AKAP11: variants seen among roughly 807,000 people sequenced by gnomAD.
AKAP11 encodes A-kinase anchor protein 11.
A neutral mutation model predicts 146.1 loss-of-function variants in AKAP11; 36 were observed. The observed-to-expected ratio is 0.25, with a 90% confidence interval of 0.19 to 0.33. The LOEUF (loss-of-function observed/expected upper bound fraction) is 0.33. Among genes scored for constraint, AKAP11 ranks in the 10% least tolerant of loss-of-function variants. The probability of loss-of-function intolerance (pLI) is 1.00; values close to 1 mark genes in which losing one functional copy is unlikely to be tolerated. For missense variants in AKAP11, 2,201 were observed against 2,197.0 expected (o/e 1.00, Z -0.04); for synonymous variants, 780 against 786.5 (o/e 0.99, Z 0.14).
rs751444495 is a variant in AKAP11 at position 42,299,677 on chromosome 13, T to A, written c.931T>A (p.Cys311Ser). ...TCCTGCCTACTCATCTGAATCAGAA[T>A]GTTCAAGTCCAAGTCCTGTTATTTT... is the stretch of plus-strand genomic sequence containing the variant. Reference protein sequence around the residue: ...SSPAYSSESECSSPSPVIFLD... With the variant: ...SSPAYSSESESSSPSPVIFLD... Residue 311 changes from cysteine to serine, a missense_variant, in exon 8 of 13, where the codon TGT becomes AGT. Transcript: ENST00000025301. 1.2e-6 allele frequency: 2 copies of A among 1,613,914 alleles called. No homozygotes were observed. Among genetic ancestry groups the A allele is most frequent in the South Asian group, 1.1e-5 (1 of 91,066 alleles).
chr13:42,272,602 T>C (rs962731509), intron 1 of AKAP11, among the ~76,000 whole-genome samples: 5 of 149,714 alleles, frequency 3.3e-5, no homozygotes, highest in Non-Finnish European at 7.5e-5. Context: ...GTGCGCGTGC[T>C]TAGTGTGTGT....
At position 42,299,932 on chromosome 13, in the gene AKAP11, A is replaced by G. The variant is rs976071213; in HGVS notation, c.1186A>G (p.Met396Val). 5.6e-6 allele frequency: 9 copies of G among 1,613,888 alleles called. No individual in the cohort carries two copies. In the African/African-American group the frequency reaches 8.0e-5, roughly 14 times the overall value. Residue 396 changes from methionine to valine, a missense_variant, in exon 8 of 13, where the codon ATG becomes GTG. Physicochemically the swap from Met to Val is conservative, Grantham distance 21. Around this residue, in one of 3 missense-constraint regions of AKAP11, gnomAD observed 1,867 missense variants for 1,833.5 expected, o/e 1.02. Transcript: ENST00000025301. ...RKGHKHGKSCMNPQKFKFDRP... is the reference protein window; with the variant it reads ...RKGHKHGKSCVNPQKFKFDRP... ...AGGGCACAAACATGGAAAGTCATGTATGAATCCTCAAAAATTCAAGTTTGA... is the reference window on the plus strand; with the variant it reads ...AGGGCACAAACATGGAAAGTCATGTGTGAATCCTCAAAAATTCAAGTTTGA...
At chr13:42,277,893 G>C (rs149786366) in intron 1 of AKAP11, among the ~76,000 whole-genome samples, 1 of 152,226 alleles carries the variant, frequency 6.6e-6, no homozygotes, top group African/African-American at 2.4e-5. Flanking sequence ...TTACAGTCCA[G>C]TGCAGGGCAT....
Position 42,303,310 on chromosome 13 carries a change from C to T in AKAP11, c.4564C>T (p.His1522Tyr). 6.2e-7 allele frequency: 1 copy of T among 1,612,648 alleles called. No homozygotes were observed. Among genetic ancestry groups the T allele is most frequent in the African/African-American group, 1.3e-5 (1 of 75,014 alleles). ...TTCCTCACAAAATCACAGGTTTTAC[C>T]ACAGCACTGGCAGTTTAAATGGATA... Reference protein sequence around the residue: ...QPSSQNHRFYHSTGSLNGYGC... With the variant: ...QPSSQNHRFYYSTGSLNGYGC... Residue 1522 changes from histidine (H) to tyrosine (Y), a missense_variant, in exon 8 of 13, where the codon CAC becomes TAC. By Grantham distance (83) the His-to-Tyr change is moderately conservative. This residue lies in a region of AKAP11 where 1,867 missense variants were observed against 1,833.5 expected (regional missense o/e 1.02). Coordinates refer to ENST00000025301, the MANE Select transcript of AKAP11 (RefSeq NM_016248.4).
rs3038992 is a variant in AKAP11 at position 42,319,906 on chromosome 13, G to GGTGTGTGTGTGTGTGTGTGTGTGTGTGT, written c.*695_*722dup. The GGTGTGTGTGTGTGTGTGTGTGTGTGTGT allele has an allele frequency of 4.5e-5, 6 of 132,662 alleles. No individual in the cohort carries two copies. The highest frequency in any genetic ancestry group is 2.3e-4 in the East Asian group (1 of 4,264). The allele number at this position is 132,662 out of a possible 1,614,324, so 8.2% of individuals were successfully genotyped here. ...TGCTGCCAGTCATTCTGGCATGAAAGGTGTGTGTGTGTGTGTGTGTGTGTG... is the reference window on the plus strand; with the variant it reads ...TGCTGCCAGTCATTCTGGCATGAAAGGTGTGTGTGTGTGTGTGTGTGTGTGTGTGTGTGTGTGTGTGTGTGTGTGTGTG... On this transcript the variant is annotated 3_prime_UTR_variant, in exon 13 of 13. Transcript: ENST00000025301.
At chr13:42,295,250 C>G (rs1959437167) in intron 4 of AKAP11, among the ~76,000 whole-genome samples, 1 of 152,124 alleles carries the variant, frequency 6.6e-6, no homozygotes, top group Non-Finnish European at 1.5e-5. Flanking sequence ...AGGGCGTGTT[C>G]CAGACCCAGA....
In AKAP11 at chr13:42,291,375, T is replaced by TC. The variant is rs1959210864; in HGVS notation, c.52-1008dup. On this transcript the variant is annotated intron_variant, in intron 3 of 12. Coordinates refer to ENST00000025301, the MANE Select transcript of AKAP11 (RefSeq NM_016248.4). The stretch of plus-strand genomic sequence containing the variant: ...TCAAGCAATTCTTCTGCCTCAGCCT[T>TC]CCGAGCAGCTGGGATTACAGGCACG... Among the ~76,000 whole-genome samples, 6 of 152,206 alleles carry TC rather than the reference T, an allele frequency of 3.9e-5. No individual in the cohort carries two copies. The South Asian group carries it at 1.2e-3, about 32-fold the overall frequency.
At chr13:42,297,911 A>G (rs1438453090) in intron 6 of AKAP11, among the ~76,000 whole-genome samples, 3 of 151,968 alleles carry the variant, frequency 2.0e-5, no homozygotes, top group Non-Finnish European at 2.9e-5. Flanking sequence ...GCTAGGATAT[A>G]AGAGGTGATA....
rs376002532 is a variant in AKAP11 at position 42,302,286 on chromosome 13, A to G, written c.3540A>G (p.Gly1180=). 8.1e-6 allele frequency: 13 copies of G among 1,614,092 alleles called. No homozygotes were observed. Among genetic ancestry groups the G allele is most frequent in the Non-Finnish European group, 1.1e-5 (13 of 1,180,044 alleles). Residue 1180 remains glycine (G), a synonymous_variant, in exon 8 of 13, where the codon GGA becomes GGG. Coordinates refer to ENST00000025301, the MANE Select transcript of AKAP11 (RefSeq NM_016248.4). Reference sequence around the variant, plus strand: ...AAGAAGTTGAGAGTAGTGAAAGTGGAGAGCTCCCAGAAGTGGATGTGAAGT... The same window carrying G: ...AAGAAGTTGAGAGTAGTGAAAGTGGGGAGCTCCCAGAAGTGGATGTGAAGT... The part of the protein sequence containing the change: ...LSEEVESSES[G]ELPEVDVKSE...
intron 8 of AKAP11, among the ~76,000 whole-genome samples, chr13:42,304,292 A>T (rs1960138270): frequency 6.6e-6 from 1 of 152,230 alleles, no homozygotes. Context: ...TCTGAGTAGC[A>T]TGATGAAGTC....
chr13:42,271,918 C>T (rs1050258777), upstream of AKAP11, among the ~76,000 whole-genome samples: 2 of 151,818 alleles, frequency 1.3e-5, no homozygotes, highest in Admixed American at 6.6e-5. Context: ...TTTCCTGTTC[C>T]TTCTTTCCCT....
intron 5 of AKAP11, among the ~76,000 whole-genome samples, chr13:42,296,566 A>G (rs574833975): frequency 1.8e-4 from 28 of 152,090 alleles, no homozygotes; most frequent in Non-Finnish European, 2.9e-4. Context: ...TTTTCCTTTA[A>G]TCTTCATTAA....
Position 42,299,959 on chromosome 13 carries a change from C to A in AKAP11, c.1213C>A (p.Arg405Ser), listed in dbSNP as rs775104741. ...CMNPQKFKFD[R>S]PALPANVRKP... ...GAATCCTCAAAAATTCAAGTTTGATCGTCCAGCTCTCCCAGCTAATGTTAG... is the reference window on the plus strand; with the variant it reads ...GAATCCTCAAAAATTCAAGTTTGATAGTCCAGCTCTCCCAGCTAATGTTAG... The change falls in exon 8 of 13, where the codon CGT becomes AGT. Residue 405 changes from arginine to serine, a missense_variant. Physicochemically the swap from Arg to Ser is moderately radical, Grantham distance 110. This residue lies in a region of AKAP11 where 1,867 missense variants were observed against 1,833.5 expected (regional missense o/e 1.02). Coordinates refer to ENST00000025301, the MANE Select transcript of AKAP11 (RefSeq NM_016248.4). 1 of 1,613,902 alleles carries A rather than the reference C, an allele frequency of 6.2e-7. No individual in the cohort carries two copies. Among genetic ancestry groups the A allele is most frequent in the Admixed American group, 1.7e-5 (1 of 60,008 alleles).
Position 42,301,437 on chromosome 13 carries a change from A to G in AKAP11, c.2691A>G (p.Thr897=). 6.2e-7 allele frequency: 1 copy of G among 1,613,222 alleles called. No homozygotes were observed. Among genetic ancestry groups the G allele is most frequent in the South Asian group, 1.1e-5 (1 of 90,804 alleles). ...AGTCAATGACATCATTGGAAGTTAC[A>G]AAAATGGTTGATGAACGTACAGATT... ...TLESMTSLEV[T]KMVDERTDYL... The change falls in exon 8 of 13, where the codon ACA becomes ACG. Residue 897 remains threonine, a synonymous_variant. Coordinates refer to ENST00000025301, the MANE Select transcript of AKAP11 (RefSeq NM_016248.4).
chr13:42,305,446 C>G lies in AKAP11; in HGVS notation c.5117+1583C>G, dbSNP rs142400882. On this transcript the variant is annotated intron_variant, in intron 8 of 12. Transcript: ENST00000025301. ...TTCTTTCTCCTAGACCAGGGGTTGG[C>G]AAACTACAGTCTGTGGGCCAATGTG... 3.4e-3 allele frequency among the ~76,000 whole-genome samples: 513 copies of G among 152,118 alleles called. 7 individuals are homozygous for G. The highest frequency in any genetic ancestry group is 0.03 in the Admixed American group (459 of 15,284).
At chr13:42,296,818 A>C (rs1959543362) in intron 5 of AKAP11, among the ~76,000 whole-genome samples, 1 of 152,022 alleles carries the variant, frequency 6.6e-6, no homozygotes, top group Non-Finnish European at 1.5e-5. Flanking sequence ...GCTTGATATC[A>C]GTACATTTTA....
chr13:42,318,394 T>C (rs1405105589), intron 12 of AKAP11, among the ~76,000 whole-genome samples: 1 of 152,176 alleles, frequency 6.6e-6, no homozygotes, highest in Middle Eastern at 3.2e-3. Flanking sequence ...AATAAAGCTG[T>C]TTTTAAAAAG....
chr13:42,280,965 A>G (rs930340938), intron 1 of AKAP11, among the ~76,000 whole-genome samples: 2 of 152,206 alleles, frequency 1.3e-5, no homozygotes, highest in Admixed American at 1.3e-4. Flanking sequence ...TCTTACTGAG[A>G]TAGAGAATAC....
intron 4 of AKAP11, among the ~76,000 whole-genome samples, 174 bp from the exon 5 acceptor site, chr13:42,295,521 G>A (rs570893785): frequency 7.9e-4 from 120 of 152,160 alleles, no homozygotes; most frequent in Non-Finnish European, 1.4e-3. Flanking sequence ...TAAGAACTGC[G>A]TTTTGGAGCC....
Sources: allele counts gnomAD v4.1 joint callset (sites outside exome capture counted in the v4.1 genomes callset), GRCh38; gene constraint gnomAD v4.1.1; regional missense constraint gnomAD v4.1.1; transcripts MANE v1.5; gene names NCBI Gene and HGNC (gene_info 2026-07-23, HGNC 2026-07-21).